The following THRB variants were observed in gnomAD, a reference collection of about 807,000 sequenced individuals.
The protein encoded by THRB is thyroid hormone receptor beta, also known as nuclear receptor subfamily 1 group A member 2.
In THRB, 12 loss-of-function variants were observed where a neutral mutation model predicts 47.8. That is an observed-to-expected ratio of 0.25 (90% CI 0.16 to 0.41). The LOEUF is 0.41. THRB is among the 10% of genes least tolerant of loss of function. The probability of loss-of-function intolerance (pLI) is 1.00; values close to 1 mark genes in which losing one functional copy is unlikely to be tolerated. For missense variants in THRB, 348 were observed against 589.2 expected, an observed-to-expected ratio of 0.59 and a Z score of 4.24; for synonymous variants, 218 against 212.2, an observed-to-expected ratio of 1.03 and a Z score of -0.24.
chr3:24,239,970 T>C (rs2049319112), intron 3 of THRB, among the ~76,000 whole-genome samples: 1 of 152,194 alleles, frequency 6.6e-6, no homozygotes, highest in African/African-American at 2.4e-5. Context: ...GACAGGTGGA[T>C]TTGCATGGTG....
chr3:24,435,505 G>A (rs772822686), intron 1 of THRB, among the ~76,000 whole-genome samples: 12 of 152,062 alleles, frequency 7.9e-5, no homozygotes, highest in Non-Finnish European at 1.5e-4. Flanking sequence ...AACCCCCCAG[G>A]GCCCTGAGCA....
At chr3:24,417,445 G>A (rs2068855383) in intron 1 of THRB, among the ~76,000 whole-genome samples, 1 of 151,838 alleles carries the variant, frequency 6.6e-6, no homozygotes, top group Admixed American at 6.6e-5. Flanking sequence ...CAACTACTGT[G>A]TTTGCAAGAT....
intron 1 of THRB, among the ~76,000 whole-genome samples, chr3:24,340,321 C>T (rs567990794): frequency 1.3e-5 from 2 of 151,980 alleles, no homozygotes; most frequent in Non-Finnish European, 2.9e-5. Flanking sequence ...AATTCCTCCT[C>T]CTTCTCCTTC....
intron 1 of THRB, among the ~76,000 whole-genome samples, chr3:24,492,007 G>C (rs6763505): frequency 2.4e-4 from 37 of 152,216 alleles, no homozygotes; most frequent in Non-Finnish European, 4.4e-4. Flanking sequence ...GAGAGAGAGA[G>C]AAAAATAAAG....
At chr3:24,163,493 C>T (rs2596623) in intron 5 of THRB, among the ~76,000 whole-genome samples, 56,023 of 152,004 alleles carry the variant, frequency 0.37, 10,921 homozygotes, top group African/African-American at 0.49. Flanking sequence ...TTTTTAAGAA[C>T]AGCAGAATGA....
chr3:24,470,560 T>C (rs941957828), intron 1 of THRB, among the ~76,000 whole-genome samples: 24 of 152,176 alleles, frequency 1.6e-4, no homozygotes, highest in African/African-American at 5.1e-4. Flanking sequence ...GAAATGTTTG[T>C]TGGATATATA....
intron 1 of THRB, among the ~76,000 whole-genome samples, chr3:24,490,011 A>C (rs185570334): frequency 6.6e-6 from 1 of 152,280 alleles, no homozygotes; most frequent in Admixed American, 6.5e-5. Flanking sequence ...AATCACAAAC[A>C]ATCACCTCCT....
intron 5 of THRB, among the ~76,000 whole-genome samples, chr3:24,158,167 CAGG>C (rs1342310712): frequency 3.3e-5 from 5 of 152,060 alleles, no homozygotes; most frequent in Non-Finnish European, 5.9e-5. Flanking sequence ...ATGTGAAAAA[CAGG>C]AGGAACTGGC....
chr3:24,453,618 A>G (rs1374361329), intron 1 of THRB, among the ~76,000 whole-genome samples: 1 of 152,186 alleles, frequency 6.6e-6, no homozygotes, highest in Non-Finnish European at 1.5e-5. Flanking sequence ...TAGCAGGATC[A>G]TCTTAAAGTT....
At chr3:24,426,892 C>A (rs1460412694) in intron 1 of THRB, among the ~76,000 whole-genome samples, 1 of 151,846 alleles carries the variant, frequency 6.6e-6, no homozygotes, top group East Asian at 1.9e-4. Flanking sequence ...AAAAACAAAG[C>A]CAGTGCCCAA....
chr3:24,419,355 G>C (rs115840986), intron 1 of THRB, among the ~76,000 whole-genome samples: 2 of 151,828 alleles, frequency 1.3e-5, no homozygotes, highest in Non-Finnish European at 2.9e-5. Flanking sequence ...TCAGGGTATT[G>C]AGATAAAAGA....
intron 1 of THRB, among the ~76,000 whole-genome samples, chr3:24,396,135 A>G (rs1257417294): frequency 6.6e-6 from 1 of 151,960 alleles, no homozygotes; most frequent in Non-Finnish European, 1.5e-5. Flanking sequence ...TGGTATGTGA[A>G]TTGTATCTCC....
intron 4 of THRB, among the ~76,000 whole-genome samples, chr3:24,213,603 T>C (rs374965537): frequency 6.6e-6 from 1 of 152,176 alleles, no homozygotes; most frequent in African/African-American, 2.4e-5. Context: ...AGATGTATTG[T>C]GGAGGGAGGC....
chr3:24,200,591 G>A (rs1473763663), intron 4 of THRB, among the ~76,000 whole-genome samples: 1 of 152,058 alleles, frequency 6.6e-6, no homozygotes, highest in Non-Finnish European at 1.5e-5. Context: ...TAACATATAG[G>A]TCCTCCTCTG....
chr3:24,405,162 T>A (rs2067719499), intron 1 of THRB, among the ~76,000 whole-genome samples: 1 of 152,008 alleles, frequency 6.6e-6, no homozygotes, highest in Non-Finnish European at 1.5e-5. Flanking sequence ...TTGTTGAGCA[T>A]CCTGTTTCTC....
In THRB at chr3:24,230,878, C is replaced by T. The variant is rs372074541; in HGVS notation, c.-42-1877G>A. On this transcript the variant is annotated intron_variant, in intron 3 of 10. Coordinates refer to ENST00000646209, the MANE Select transcript of THRB (RefSeq NM_001354712.2). ...GAGAAAGAGATATTATCTAGTTCCT[C>T]TCTAGGGACAGAATTTATTAGAAGT... 2.7e-4 allele frequency among the ~76,000 whole-genome samples: 41 copies of T among 152,278 alleles called. No individual in the cohort carries two copies. In the South Asian group the frequency reaches 7.1e-3, roughly 26 times the overall value.
chr3:24,351,613 C>T (rs2063359097), intron 1 of THRB, among the ~76,000 whole-genome samples: 1 of 152,114 alleles, frequency 6.6e-6, no homozygotes, highest in Non-Finnish European at 1.5e-5. Flanking sequence ...ATAGTGTATG[C>T]ATCTTTAGAA....
intron 1 of THRB, among the ~76,000 whole-genome samples, chr3:24,371,259 A>G (rs1375882697): frequency 6.6e-6 from 1 of 152,172 alleles, no homozygotes; most frequent in Admixed American, 6.6e-5. Context: ...ATACTTATGA[A>G]GATATTTTTA....
At chr3:24,467,020 T>C (rs1279474337) in intron 1 of THRB, among the ~76,000 whole-genome samples, 1 of 152,250 alleles carries the variant, frequency 6.6e-6, no homozygotes, top group African/African-American at 2.4e-5. Context: ...CTTTCAGAAT[T>C]GGAGTCAATT....
Sources: allele counts gnomAD v4.1 joint callset (sites outside exome capture counted in the v4.1 genomes callset), GRCh38; gene constraint gnomAD v4.1.1; transcripts MANE v1.5; gene names NCBI Gene and HGNC (gene_info 2026-07-23, HGNC 2026-07-21).